Variants in TBC1D4 observed in about 807,000 individuals in gnomAD.
TBC1D4 encodes the protein TBC (Tre-2, BUB2, CDC16) domain-containing protein.
In TBC1D4, 121 loss-of-function variants were observed where a neutral mutation model predicts 142.5. The observed-to-expected ratio is 0.85, with a 90% CI of 0.73 to 0.99. The LOEUF (loss-of-function observed/expected upper bound fraction) is 0.99, where lower values mean the gene tolerates loss of function less well. Ranked by LOEUF, TBC1D4 falls within the 50% of genes least tolerant of loss-of-function variation. TBC1D4 has a pLI of 0.00. For synonymous variants in TBC1D4, 630 were observed against 628.2 expected (o/e 1.00, Z -0.04); for missense variants, 1,475 against 1,606.6 (o/e 0.92, Z 1.40).
intron 1 of TBC1D4, among the ~76,000 whole-genome samples, chr13:75,383,521 T>C (rs1883981586): frequency 6.6e-6 from 1 of 152,216 alleles, no homozygotes; most frequent in Admixed American, 6.5e-5. Context: ...TCCTTATCTG[T>C]AGTTTCACTT....
intron 4 of TBC1D4, among the ~76,000 whole-genome samples, chr13:75,352,284 A>G (rs1047912785): frequency 6.6e-6 from 1 of 152,154 alleles, no homozygotes; most frequent in Non-Finnish European, 1.5e-5. Flanking sequence ...TTTGTATCTC[A>G]TCCCTCTATC....
rs1186737034 is a variant in TBC1D4, at chr13:75,364,862, T to C, written c.499-2255A>G. On this transcript the variant is annotated intron_variant, in intron 1 of 20. Coordinates refer to ENST00000377636, the MANE Select transcript of TBC1D4 (RefSeq NM_014832.5). The stretch of plus-strand genomic sequence containing the variant: ...TCTACAGAGTACGGAATCAGAAATA[T>C]AGCCTGTAGCACTGATTTTACTGCA... 3.9e-5 allele frequency among the ~76,000 whole-genome samples: 6 copies of C among 152,250 alleles called. No individual in the cohort carries two copies. The East Asian group carries it at 9.6e-4, about 24-fold the overall frequency.
chr13:75,432,424 A>G lies in TBC1D4; in HGVS notation c.498+48846T>C, dbSNP rs9593075. On this transcript the variant is annotated intron_variant, in intron 1 of 20. Coordinates refer to ENST00000377636, the MANE Select transcript of TBC1D4 (RefSeq NM_014832.5). ...AGCAGACAAAACAACGATGTCCATG[A>G]CACTGCAGGAATGTCAACAACCACA... Among the ~76,000 whole-genome samples the G allele has an allele frequency of 3.8e-3, 580 of 152,320 alleles. 6 individuals carry two copies. Among genetic ancestry groups the G allele is most frequent in the African/African-American group, 0.012 (507 of 41,576 alleles).
intron 8 of TBC1D4, among the ~76,000 whole-genome samples, chr13:75,331,087 T>TA (rs150635096): frequency 6.6e-6 from 1 of 152,320 alleles, no homozygotes; most frequent in East Asian, 1.9e-4. Context: ...AAAACAAAGT[T>TA]ACTTTAAAAT....
intron 1 of TBC1D4, among the ~76,000 whole-genome samples, chr13:75,422,477 A>G (rs1303757613): frequency 1.3e-5 from 2 of 152,242 alleles, no homozygotes; most frequent in Non-Finnish European, 2.9e-5. Context: ...ATGGAAAATT[A>G]ATTTTGAGTC....
chr13:75,435,085 A>C (rs189258826), intron 1 of TBC1D4, among the ~76,000 whole-genome samples: 7 of 152,138 alleles, frequency 4.6e-5, no homozygotes, highest in Admixed American at 2.0e-4. Context: ...CAAGAGAGGC[A>C]GCCCTTTCCT....
intron 5 of TBC1D4, among the ~76,000 whole-genome samples, chr13:75,346,535 T>C (rs1419882760): frequency 1.3e-5 from 2 of 152,252 alleles, no homozygotes; most frequent in African/African-American, 4.8e-5. Flanking sequence ...ATTTTCTTTA[T>C]CCAGTCTATC....
chr13:75,339,870 C>A (rs1042280499), intron 7 of TBC1D4, among the ~76,000 whole-genome samples: 4 of 152,158 alleles, frequency 2.6e-5, no homozygotes, highest in African/African-American at 9.7e-5. Context: ...CCACACCCGG[C>A]CCAAAAAGTA....
intron 1 of TBC1D4, among the ~76,000 whole-genome samples, chr13:75,469,279 G>T (rs1359379830): frequency 6.6e-6 from 1 of 152,134 alleles, no homozygotes; most frequent in Non-Finnish European, 1.5e-5. Flanking sequence ...TAAGGAATTT[G>T]CATATTATTC....
At chr13:75,462,882 G>T (rs9543936) in intron 1 of TBC1D4, among the ~76,000 whole-genome samples, 142,146 of 151,926 alleles carry the variant, frequency 0.94, 67,201 homozygotes, top group Non-Finnish European at 1. Context: ...CTAGACTCAT[G>T]TCCTCTTACC....
chr13:75,393,718 G>T (rs543471321), intron 1 of TBC1D4, among the ~76,000 whole-genome samples: 5 of 152,146 alleles, frequency 3.3e-5, no homozygotes, highest in Admixed American at 3.3e-4. Flanking sequence ...GATCACCTAA[G>T]GTTGGGAGTT....
chr13:75,349,065 T>C lies in TBC1D4; in HGVS notation c.1408+105A>G, dbSNP rs1221529650. Reference sequence around the variant, plus strand: ...ACATGAGAAATGATTCTTTGGGTTCTTGTTTCACATCGAAACAAAGAACTA... The same window carrying C: ...ACATGAGAAATGATTCTTTGGGTTCCTGTTTCACATCGAAACAAAGAACTA... On this transcript the variant is annotated intron_variant, in intron 5 of 20. Transcript: ENST00000377636. 6.3e-6 allele frequency: 10 copies of C among 1,577,198 alleles called. No individual in the cohort carries two copies. The African/African-American group carries it at 9.4e-5, about 15-fold the overall frequency.
intron 11 of TBC1D4, among the ~76,000 whole-genome samples, chr13:75,323,927 T>C (rs1052470129): frequency 3.9e-5 from 6 of 152,222 alleles, no homozygotes; most frequent in Non-Finnish European, 7.4e-5. Context: ...ACTTAGTATA[T>C]GTTAGCATCA....
At chr13:75,409,039 A>ATG (rs1555317972) in intron 1 of TBC1D4, among the ~76,000 whole-genome samples, 1 of 16,930 alleles carries the variant, frequency 5.9e-5, no homozygotes, top group African/African-American at 2.4e-4. Context: ...ATATACACAC[A>ATG]CGCACACACA....
intron 1 of TBC1D4, chr13:75,375,924 C>A (rs1883480364): frequency 6.6e-6 from 1 of 151,970 alleles, no homozygotes; most frequent in Non-Finnish European, 1.5e-5. Context: ...CTCTAGATAG[C>A]CATTTACCTA....
At chr13:75,373,474 G>C (rs1323572299) in intron 1 of TBC1D4, among the ~76,000 whole-genome samples, 3 of 152,116 alleles carry the variant, frequency 2.0e-5, no homozygotes, top group African/African-American at 7.2e-5. Flanking sequence ...AGAAGGAAAG[G>C]CAATAGCAAG....
chr13:75,364,355 G>A (rs541003353), intron 1 of TBC1D4, among the ~76,000 whole-genome samples: 1 of 152,212 alleles, frequency 6.6e-6, no homozygotes, highest in South Asian at 2.1e-4. Context: ...TGTGGATAAG[G>A]AGGGGCTGTT....
At chr13:75,465,060 C>G in intron 1 of TBC1D4, among the ~76,000 whole-genome samples, 1 of 152,144 alleles carries the variant, frequency 6.6e-6, no homozygotes, top group East Asian at 1.9e-4. Flanking sequence ...TGAATTCACT[C>G]ACTCCTCGCA....
At chr13:75,467,956 A>C (rs1039647341) in intron 1 of TBC1D4, among the ~76,000 whole-genome samples, 31 of 152,298 alleles carry the variant, frequency 2.0e-4, no homozygotes, top group African/African-American at 5.8e-4. Context: ...CATTGGCCAC[A>C]GTTTTTTTTC....
Sources: gnomAD v4.1 joint callset for allele counts (sites outside exome capture counted in the v4.1 genomes callset) on GRCh38, gnomAD v4.1.1 for gene constraint, MANE v1.5 for transcripts, NCBI Gene and HGNC (gene_info 2026-07-23, HGNC 2026-07-21) for gene names.